Variants in MARCHF1 observed in about 807,000 individuals in gnomAD.
MARCHF1 encodes the protein membrane associated ring-CH-type finger 1.
A neutral mutation model predicts 54.2 loss-of-function variants in MARCHF1; 40 were observed. The ratio of observed to expected loss-of-function variants is 0.74; its 90% CI spans 0.57 to 0.96. The LOEUF (loss-of-function observed/expected upper bound fraction) is 0.96. Among genes scored for constraint, MARCHF1 ranks in the 40% least tolerant of loss-of-function variants. MARCHF1 has a pLI of 0.00. For missense variants in MARCHF1, 586 were observed against 656.5 expected (o/e 0.89, Z 1.17); for synonymous variants, 236 against 236.3 (o/e 1.00, Z 0.01).
At chr4:163,862,167 A>C (rs1165112670) in intron 3 of MARCHF1, among the ~76,000 whole-genome samples, 1 of 152,068 alleles carries the variant, frequency 6.6e-6, no homozygotes, top group Non-Finnish European at 1.5e-5. Flanking sequence ...TGGTAGATAC[A>C]ACGCTAAAAT....
intron 1 of MARCHF1, among the ~76,000 whole-genome samples, chr4:164,164,076 T>G (rs1238349155): frequency 6.6e-6 from 1 of 151,920 alleles, no homozygotes; most frequent in Non-Finnish European, 1.5e-5. Context: ...AGAATCCTAC[T>G]AAAGCAGTTC....
chr4:164,185,412 T>C (rs1730940874), intron 1 of MARCHF1, among the ~76,000 whole-genome samples: 1 of 152,210 alleles, frequency 6.6e-6, no homozygotes, highest in African/African-American at 2.4e-5. Flanking sequence ...TTTCCACACT[T>C]AACCAGTCTT....
intron 1 of MARCHF1, among the ~76,000 whole-genome samples, chr4:164,381,914 T>TA (rs368396817): frequency 5.9e-5 from 9 of 151,776 alleles, no homozygotes; most frequent in African/African-American, 1.5e-4. Flanking sequence ...AACAATGAAA[T>TA]AAAAAAAACT....
chr4:163,928,504 T>C (rs1751586773), intron 3 of MARCHF1, among the ~76,000 whole-genome samples: 1 of 151,872 alleles, frequency 6.6e-6, no homozygotes, highest in Admixed American at 6.6e-5. Context: ...TTGCACTTTA[T>C]GGATGAAGAA....
Position 163,612,916 on chromosome 4 carries a change from C to T in MARCHF1, c.365G>A (p.Arg122Lys), listed in dbSNP as rs1482663679. 1 of 1,535,430 alleles carries T rather than the reference C, an allele frequency of 6.5e-7. No homozygotes were observed. The highest frequency in any genetic ancestry group is 2.4e-5 in the East Asian group (1 of 40,886). Reference protein sequence around the residue: ...KSVIQRPRRRRKASERYEHAA... With the variant: ...KSVIQRPRRRKKASERYEHAA... ...ATGCTCATATCTCTCAGAGGCTTTT[C>T]TCCTCCTCCTAGGTCTTTGTATTAC... The change falls in exon 7 of 10, where the codon AGA becomes AAA. Residue 122 changes from arginine (R) to lysine (K), a missense_variant. Physicochemically the swap from Arg to Lys is conservative, Grantham distance 26. Transcript: ENST00000514618.
intron 8 of MARCHF1, among the ~76,000 whole-genome samples, chr4:163,546,383 C>T (rs1182121808): frequency 6.6e-6 from 1 of 152,150 alleles, no homozygotes; most frequent in Non-Finnish European, 1.5e-5. Flanking sequence ...CTCATCTGTA[C>T]CAAGAATGAG....
intron 1 of MARCHF1, among the ~76,000 whole-genome samples, chr4:164,140,352 T>C (rs935870748): frequency 6.6e-6 from 1 of 151,758 alleles, no homozygotes; most frequent in Admixed American, 6.6e-5. Context: ...ACTTGAGAAA[T>C]TTACATTTGT....
chr4:163,568,905 A>G (rs1267175767), intron 8 of MARCHF1, among the ~76,000 whole-genome samples: 2 of 152,174 alleles, frequency 1.3e-5, no homozygotes, highest in Non-Finnish European at 2.9e-5. Context: ...GCTCAGTGCC[A>G]GAAAACTAAG....
intron 7 of MARCHF1, among the ~76,000 whole-genome samples, chr4:163,604,740 T>G (rs1741087530): frequency 6.6e-6 from 1 of 152,134 alleles, no homozygotes; most frequent in South Asian, 2.1e-4. Context: ...GGCTCTCTAC[T>G]AGGCTACATT....
At chr4:164,209,374 G>A (rs1731703028) in intron 1 of MARCHF1, among the ~76,000 whole-genome samples, 1 of 152,244 alleles carries the variant, frequency 6.6e-6, no homozygotes, top group Middle Eastern at 3.4e-3. Flanking sequence ...CTTCATCCCA[G>A]GGAGGTTCTT....
intron 5 of MARCHF1, among the ~76,000 whole-genome samples, chr4:163,677,023 A>G (rs1432913915): frequency 6.6e-6 from 1 of 152,178 alleles, no homozygotes; most frequent in East Asian, 1.9e-4. Flanking sequence ...TGAAAAAAGA[A>G]AAAATAGAAA....
At chr4:164,230,400 A>G (rs1732383680) in intron 1 of MARCHF1, among the ~76,000 whole-genome samples, 1 of 151,950 alleles carries the variant, frequency 6.6e-6, no homozygotes, top group African/African-American at 2.4e-5. Flanking sequence ...CATCTCAAAA[A>G]AAAAAAAAAG....
intron 5 of MARCHF1, among the ~76,000 whole-genome samples, chr4:163,668,978 A>G (rs182920125): frequency 6.6e-6 from 1 of 152,062 alleles, no homozygotes; most frequent in Non-Finnish European, 1.5e-5. Flanking sequence ...TGCAGACTGA[A>G]AGTTCATGGA....
At chr4:163,869,586 T>A (rs1216474475) in intron 3 of MARCHF1, among the ~76,000 whole-genome samples, 1 of 152,120 alleles carries the variant, frequency 6.6e-6, no homozygotes, top group East Asian at 1.9e-4. Flanking sequence ...ATTCTTTCTA[T>A]ATTATCTGTC....
chr4:163,668,622 C>G (rs559638133), intron 5 of MARCHF1, among the ~76,000 whole-genome samples: 152 of 152,194 alleles, frequency 1.0e-3, no homozygotes, highest in African/African-American at 3.6e-3. Flanking sequence ...AACAGCAGAG[C>G]ATGTTAATTA....
At chr4:164,137,247 A>T (rs1756421465) in intron 1 of MARCHF1, among the ~76,000 whole-genome samples, 1 of 152,208 alleles carries the variant, frequency 6.6e-6, no homozygotes, top group Admixed American at 6.5e-5. Flanking sequence ...TTCTAACTTT[A>T]AAATTGTCAG....
intron 8 of MARCHF1, chr4:163,584,225 A>G (rs537566255): frequency 4.6e-5 from 7 of 152,042 alleles, no homozygotes; most frequent in African/African-American, 1.4e-4. Flanking sequence ...GGTAAAGAAG[A>G]GAAAATTAGA....
chr4:164,204,411 A>C (rs992037292), intron 1 of MARCHF1, among the ~76,000 whole-genome samples: 4 of 152,226 alleles, frequency 2.6e-5, no homozygotes, highest in African/African-American at 7.2e-5. Flanking sequence ...ATCCATTTTT[A>C]AAAAATCACG....
At chr4:163,845,503 A>ACG (rs1749460729) in intron 4 of MARCHF1, among the ~76,000 whole-genome samples, 1 of 144,194 alleles carries the variant, frequency 6.9e-6, no homozygotes, top group Admixed American at 7.1e-5. Flanking sequence ...ACACACACAC[A>ACG]CGTAAGGCCT....
Sources: allele counts gnomAD v4.1 joint callset (sites outside exome capture counted in the v4.1 genomes callset), GRCh38; gene constraint gnomAD v4.1.1; transcripts MANE v1.5; gene names NCBI Gene and HGNC (gene_info 2026-07-23, HGNC 2026-07-21).